Variants in DENND5A observed in about 807,000 individuals in gnomAD.
The protein encoded by DENND5A is DENN domain containing 5A.
DENND5A carries 64 observed loss-of-function variants against 140.3 expected under a neutral mutation model. The ratio of observed to expected loss-of-function variants is 0.46; its 90% confidence interval spans 0.37 to 0.56. The LOEUF is 0.56. DENND5A is among the 20% of genes least tolerant of loss of function. The pLI, the probability that DENND5A is intolerant of heterozygous loss-of-function variation, is 0.00. For missense variants in DENND5A, 1,292 were observed against 1,593.8 expected (o/e 0.81, Z 3.22); for synonymous variants, 605 against 607.7 (o/e 1.00, Z 0.07).
intron 1 of DENND5A, among the ~76,000 whole-genome samples, chr11:9,228,670 G>A (rs1850633860): frequency 6.6e-6 from 1 of 150,858 alleles, no homozygotes; most frequent in African/African-American, 2.4e-5. Context: ...AGTGAGCCGA[G>A]ATCGCACCAC....
intron 11 of DENND5A, among the ~76,000 whole-genome samples, chr11:9,164,056 G>GT (rs768604681): frequency 0.064 from 3,724 of 57,838 alleles, 959 homozygotes; most frequent in Non-Finnish European, 0.072. Flanking sequence ...TATTAATCAG[G>GT]TTTTTTTTTT....
intron 4 of DENND5A, among the ~76,000 whole-genome samples, chr11:9,199,105 A>G (rs1849439180): frequency 6.6e-6 from 1 of 151,484 alleles, no homozygotes; most frequent in Non-Finnish European, 1.5e-5. Flanking sequence ...TTAATTGTAC[A>G]TATCATTTTT....
In DENND5A at chr11:9,139,514, A is replaced by G. The variant is rs551196547; in HGVS notation, c.*157T>C. 2.6e-5 allele frequency: 18 copies of G among 680,302 alleles called. No homozygotes were observed. In the African/African-American group the frequency reaches 3.2e-4, roughly 12 times the overall value. 42.1% of individuals were successfully genotyped at this position (680,302 alleles called of 1,614,324 possible). On this transcript the variant is annotated 3_prime_UTR_variant, in exon 23 of 23. Transcript: ENST00000328194. ...AGCAAATCAGCAAATAAACTCTAAAATAGATTATTTATTCCAAAAATCCTC... is the reference window on the plus strand; with the variant it reads ...AGCAAATCAGCAAATAAACTCTAAAGTAGATTATTTATTCCAAAAATCCTC...
chr11:9,180,780 A>T lies in DENND5A; in HGVS notation c.1442T>A (p.Val481Glu). The stretch of plus-strand genomic sequence containing the variant: ...TACACATCTTACCTTTTCCAGGCTC[A>T]CCCCAGTTCTCTTGACCAAGGCTTG... ...RLQALVKRTGVSLEKLEVRED... is the reference protein window; with the variant it reads ...RLQALVKRTGESLEKLEVRED... The change falls in exon 6 of 23, where the codon GTG (valine) becomes GAG (glutamate). Residue 481 changes from valine to glutamate, a missense_variant. This residue lies in a region of DENND5A where 566 missense variants were observed against 650.4 expected (regional missense o/e 0.87). Coordinates refer to ENST00000328194, the MANE Select transcript of DENND5A (RefSeq NM_015213.4). The T allele has an allele frequency of 6.2e-7, 1 of 1,613,894 alleles. No homozygotes were observed. The highest frequency in any genetic ancestry group is 8.5e-7 in the Non-Finnish European group (1 of 1,179,922).
intron 1 of DENND5A, among the ~76,000 whole-genome samples, chr11:9,213,765 C>A (rs185953884): frequency 7.2e-6 from 1 of 139,598 alleles, no homozygotes; most frequent in Non-Finnish European, 1.5e-5. Context: ...CGAGATTGCA[C>A]CACTGCACTC....
chr11:9,145,578 G>T, intron 17 of DENND5A, 92 bp downstream of exon 17: 1 of 1,360,594 alleles, frequency 7.3e-7, no homozygotes, highest in Non-Finnish European at 1.0e-6. Flanking sequence ...ACTGTACATA[G>T]CAAGCCCTCT....
chr11:9,252,191 G>A (rs931212280), intron 1 of DENND5A, among the ~76,000 whole-genome samples: 8 of 150,346 alleles, frequency 5.3e-5, no homozygotes, highest in Non-Finnish European at 7.4e-5. Context: ...CCAGCTACTC[G>A]GGAGGCCAAG....
intron 4 of DENND5A, among the ~76,000 whole-genome samples, chr11:9,196,369 T>C (rs961308533): frequency 2.0e-5 from 3 of 152,196 alleles, no homozygotes; most frequent in Non-Finnish European, 4.4e-5. Context: ...AATTATAAAC[T>C]ATCCTGGGAG....
intron 1 of DENND5A, among the ~76,000 whole-genome samples, chr11:9,209,433 C>T (rs955039213): frequency 6.6e-6 from 1 of 152,188 alleles, no homozygotes; most frequent in Non-Finnish European, 1.5e-5. Flanking sequence ...GAGAGAAAGG[C>T]TATGAATCAC....
chr11:9,201,214 A>T lies in DENND5A; in HGVS notation c.949+2446T>A, dbSNP rs577091389. ...GAACCTAGCTCTACAAAAAAAAAAA[A>T]TTTTTTTTTAATTAGCCAGGCATGG... On this transcript the variant is annotated intron_variant, in intron 4 of 22. Coordinates refer to ENST00000328194, the MANE Select transcript of DENND5A (RefSeq NM_015213.4). Among the ~76,000 whole-genome samples, 111 of 151,332 alleles carry T rather than the reference A, an allele frequency of 7.3e-4. 2 individuals are homozygous for T. The South Asian group carries it at 0.018, about 25-fold the overall frequency.
rs1354541346 is a variant in DENND5A, at chr11:9,144,080, C to T, written c.3304+17G>A. The T allele has an allele frequency of 6.2e-7, 1 of 1,609,272 alleles. No individual in the cohort carries two copies. The highest frequency in any genetic ancestry group is 8.5e-7 in the Non-Finnish European group (1 of 1,177,690). Reference sequence around the variant, plus strand: ...TAGACTGTATGGCATGAGGGCCCAACCCCTCCTCCCACTTACTGGGCTTGT... The same window carrying T: ...TAGACTGTATGGCATGAGGGCCCAATCCCTCCTCCCACTTACTGGGCTTGT... On this transcript the variant is annotated intron_variant, in intron 19 of 22. Coordinates refer to ENST00000328194, the MANE Select transcript of DENND5A (RefSeq NM_015213.4).
rs570469292 is a variant in DENND5A at position 9,220,811 on chromosome 11, T to C, written c.110-13179A>G. Reference sequence around the variant, plus strand: ...GGGAGGCTGAGGTACGAGAATTGCTTGAACCTGGGAGGCAGAGGTTGCAGT... The same window carrying C: ...GGGAGGCTGAGGTACGAGAATTGCTCGAACCTGGGAGGCAGAGGTTGCAGT... On this transcript the variant is annotated intron_variant, in intron 1 of 22. Transcript: ENST00000328194. Among the ~76,000 whole-genome samples, 15 of 152,016 alleles carry C rather than the reference T, an allele frequency of 9.9e-5. No individual in the cohort carries two copies. The South Asian group carries it at 1.0e-3, about 11-fold the overall frequency.
chr11:9,152,482 T>C (rs1385446763), intron 12 of DENND5A, 40 bp from the exon 13 acceptor site: 1 of 1,417,642 alleles, frequency 7.1e-7, no homozygotes, highest in East Asian at 2.3e-5. Flanking sequence ...TCAGTTTAGA[T>C]TTCAGGGGTC....
intron 3 of DENND5A, among the ~76,000 whole-genome samples, chr11:9,205,214 G>A (rs1849655186): frequency 1.3e-5 from 2 of 152,116 alleles, no homozygotes. Context: ...GGATAAAGAT[G>A]TACTGTTTTC....
At chr11:9,142,500 G>C (rs1414383743) in intron 21 of DENND5A, among the ~76,000 whole-genome samples, 1 of 152,162 alleles carries the variant, frequency 6.6e-6, no homozygotes, top group African/African-American at 2.4e-5. Flanking sequence ...CAGATGTCTA[G>C]AAGAATCTTT....
At chr11:9,245,378 G>A (rs1851427312) in intron 1 of DENND5A, 1 of 150,732 alleles carries the variant, frequency 6.6e-6, no homozygotes. Context: ...ATTACCTGAG[G>A]TCAGCAGTCC....
intron 1 of DENND5A, among the ~76,000 whole-genome samples, chr11:9,210,032 G>C (rs920970798): frequency 2.6e-5 from 4 of 151,922 alleles, no homozygotes; most frequent in African/African-American, 9.7e-5. Context: ...ACTTGAACCC[G>C]GGGGATGGAG....
At chr11:9,180,697 A>T in intron 6 of DENND5A, 70 bp downstream of exon 6, 1 of 1,488,362 alleles carries the variant, frequency 6.7e-7, no homozygotes, top group Non-Finnish European at 9.1e-7. Context: ...TTCTCATCCC[A>T]TACCTTACTT....
At chr11:9,220,337 CAG>C (rs1850260340) in intron 1 of DENND5A, among the ~76,000 whole-genome samples, 1 of 152,122 alleles carries the variant, frequency 6.6e-6, no homozygotes, top group African/African-American at 2.4e-5. Context: ...CACCTGAGGT[CAG>C]GAGTTCAAGA....
Sources: gnomAD v4.1 joint callset for allele counts (sites outside exome capture counted in the v4.1 genomes callset) on GRCh38, gnomAD v4.1.1 for gene constraint, gnomAD v4.1.1 regional missense constraint, MANE v1.5 for transcripts, NCBI Gene and HGNC (gene_info 2026-07-23, HGNC 2026-07-21) for gene names.